Variants in KIF1B observed in about 807,000 individuals in gnomAD.
The protein encoded by KIF1B is kinesin-like protein KIF1B.
Under a neutral mutation model 241.9 loss-of-function variants are expected in KIF1B, and 76 were observed. The observed-to-expected ratio is 0.31, with a 90% CI of 0.26 to 0.38. KIF1B has a LOEUF of 0.38. Among genes scored for constraint, KIF1B ranks in the 10% least tolerant of loss-of-function variants. The pLI is 1.00. For missense variants in KIF1B, 1,622 were observed against 2,271.4 expected (o/e 0.71, Z 5.81); for synonymous variants, 750 against 796.7 (o/e 0.94, Z 0.99).
At position 10,296,907 on chromosome 1, in the gene KIF1B, C is replaced by T; in HGVS notation, c.1872C>T (p.Ile624=). Residue 624 remains isoleucine (I), a synonymous_variant, in exon 21 of 49, where the codon ATC becomes ATT. Coordinates refer to ENST00000676179, the MANE Select transcript of KIF1B (RefSeq NM_001365951.3). ...TCTGTTTTGTGCTAGGAAACCGTAT[C>T]ATCATGGGTAAAAACCATGTTTTCC... ...QPVQLRSGNR[I]IMGKNHVFRF... 6.2e-7 allele frequency: 1 copy of T among 1,613,924 alleles called. No homozygotes were observed. The highest frequency in any genetic ancestry group is 1.7e-5 in the Admixed American group (1 of 60,004).
chr1:10,304,128 A>C (rs751366269), intron 22 of KIF1B: 2 of 1,614,208 alleles, frequency 1.2e-6, no homozygotes, highest in East Asian at 4.5e-5. Flanking sequence ...TCATCATAAC[A>C]GAAGATGAGG....
rs1248187505 is a variant in KIF1B, at chr1:10,326,190, G to A, written c.2755G>A (p.Asp919Asn). The change falls in exon 27 of 49, where the codon GAC becomes AAC. Residue 919 changes from aspartate (D) to asparagine (N), a missense_variant. Physicochemically the swap from Asp to Asn is conservative, Grantham distance 23 (BLOSUM62 1). This residue lies in a region of KIF1B where 803 missense variants were observed against 1,112.0 expected (regional missense o/e 0.72). Coordinates refer to ENST00000676179, the MANE Select transcript of KIF1B (RefSeq NM_001365951.3). This position sits in a 1 kb window ranked among gnomAD's most constrained non-coding sequence, Gnocchi z 5.2. ...PSPTFSTADSDITELADEQQD... is the reference protein window; with the variant it reads ...PSPTFSTADSNITELADEQQD... ...CCCCACTTTTTCCACGGCCGATTCC[G>A]ACATCACTGAGCTGGCTGACGAGCA... The A allele has an allele frequency of 4.3e-6, 7 of 1,614,092 alleles. No homozygotes were observed. The highest frequency in any genetic ancestry group is 5.9e-6 in the Non-Finnish European group (7 of 1,180,022).
intron 22 of KIF1B, chr1:10,308,026 A>T: frequency 1.0e-6 from 1 of 1,000,638 alleles, no homozygotes; most frequent in Non-Finnish European, 1.2e-6. Context: ...GTTGACACTG[A>T]AAAAAAAACA....
chr1:10,363,319 C>G lies in KIF1B; in HGVS notation c.4341C>G (p.Cys1447Trp). 1 of 1,613,286 alleles carries G rather than the reference C, an allele frequency of 6.2e-7. No individual in the cohort carries two copies. Among genetic ancestry groups the G allele is most frequent in the Non-Finnish European group, 8.5e-7 (1 of 1,179,262 alleles). Residue 1447 changes from cysteine (C) to tryptophan (W), a missense_variant, in exon 41 of 49, where the codon TGC (cysteine) becomes TGG (tryptophan). Physicochemically the swap from Cys to Trp is radical, Grantham distance 215 (BLOSUM62 -2). This residue lies in a region of KIF1B where 803 missense variants were observed against 1,112.0 expected (regional missense o/e 0.72). Coordinates refer to ENST00000676179, the MANE Select transcript of KIF1B (RefSeq NM_001365951.3). Reference sequence around the variant, plus strand: ...CTGGCATTTACGAACTCAGCTTATGCAAAATGTCAGACACAGGTAGTCCAG... The same window carrying G: ...CTGGCATTTACGAACTCAGCTTATGGAAAATGTCAGACACAGGTAGTCCAG... ...RVTGIYELSL[C>W]KMSDTGSPGM...
intron 2 of KIF1B, among the ~76,000 whole-genome samples, chr1:10,246,306 G>A (rs1018686827): frequency 5.9e-5 from 9 of 152,114 alleles, no homozygotes; most frequent in Non-Finnish European, 1.2e-4. Flanking sequence ...ATATCAATCA[G>A]TAAGTCTTGC....
chr1:10,295,675 T>G lies in KIF1B; in HGVS notation c.1686T>G (p.Asp562Glu). Residue 562 changes from aspartate to glutamate, a missense_variant, in exon 19 of 49, where the codon GAT (aspartate) becomes GAG (glutamate). Physicochemically the swap from Asp to Glu is conservative, Grantham distance 45. This residue lies in a region of KIF1B where 57 missense variants were observed against 149.0 expected (regional missense o/e 0.38). Transcript: ENST00000676179. ...TTGTGTTCAGGGTTGGCCAAGCAGA[T>G]GCTGAGCGGCGCCAGGACATAGTGC... ...KDGITRVGQA[D>E]AERRQDIVLS... The G allele has an allele frequency of 6.2e-7, 1 of 1,613,790 alleles. No homozygotes were observed. Among genetic ancestry groups the G allele is most frequent in the Non-Finnish European group, 8.5e-7 (1 of 1,179,898 alleles).
intron 15 of KIF1B, among the ~76,000 whole-genome samples, chr1:10,290,063 TTC>T (rs142599252): frequency 5.6e-4 from 84 of 149,296 alleles, no homozygotes; most frequent in Non-Finnish European, 6.6e-4. Context: ...CATCACTTAC[TTC>T]TCTCTCTCTC....
chr1:10,221,854 C>T (rs746826495), intron 1 of KIF1B, among the ~76,000 whole-genome samples: 17 of 152,192 alleles, frequency 1.1e-4, no homozygotes, highest in Middle Eastern at 3.4e-3. Flanking sequence ...CTTGCTCTGT[C>T]GCCCAGGTTG....
At chr1:10,252,651 A>G (rs1647528245) in intron 2 of KIF1B, among the ~76,000 whole-genome samples, 1 of 151,700 alleles carries the variant, frequency 6.6e-6, no homozygotes, top group African/African-American at 2.4e-5. Flanking sequence ...TACTCCAGCG[A>G]TCCTCCTGCC....
At chr1:10,361,077 A>C (rs759459301) in intron 39 of KIF1B, 34 bp downstream of exon 39, 2 of 1,341,864 alleles carry the variant, frequency 1.5e-6, no homozygotes, top group East Asian at 4.6e-5. Flanking sequence ...TGATGCCAAC[A>C]GTCAGCCCTG....
At chr1:10,368,610 A>G (rs538574794) in intron 44 of KIF1B, 72 bp downstream of exon 44, 13 of 1,368,484 alleles carry the variant, frequency 9.5e-6, no homozygotes, top group South Asian at 8.1e-5. Flanking sequence ...CAGATTACCT[A>G]TTCCTGGTTT....
chr1:10,284,074 C>T (rs1167768101), intron 15 of KIF1B, among the ~76,000 whole-genome samples: 2 of 152,154 alleles, frequency 1.3e-5, no homozygotes, highest in African/African-American at 2.4e-5. Context: ...ATTTTACTTA[C>T]TTCAAAAGTA....
chr1:10,260,867 CA>C (rs199595339), intron 4 of KIF1B, among the ~76,000 whole-genome samples: 2,775 of 99,662 alleles, frequency 0.028, 30 homozygotes, highest in Non-Finnish European at 0.039. Flanking sequence ...AACTCGGTCT[CA>C]AAAAAAAAAA....
At chr1:10,325,855 T>C (rs1651702758) in intron 26 of KIF1B, among the ~76,000 whole-genome samples, 1 of 152,234 alleles carries the variant, frequency 6.6e-6, no homozygotes, top group Admixed American at 6.5e-5. Context: ...AGTATTTACC[T>C]AGGATGGTCT....
chr1:10,288,938 C>A (rs955204069), intron 15 of KIF1B, among the ~76,000 whole-genome samples: 1 of 152,150 alleles, frequency 6.6e-6, no homozygotes, highest in African/African-American at 2.4e-5. Flanking sequence ...AGGTTTATTA[C>A]TCACAAGTCC....
At chr1:10,313,819 A>ACTAG (rs1651185317) in intron 22 of KIF1B, among the ~76,000 whole-genome samples, 1 of 151,078 alleles carries the variant, frequency 6.6e-6, no homozygotes, top group African/African-American at 2.5e-5. Context: ...CAAAGTGTTG[A>ACTAG]GATTACAGGC....
At position 10,381,200 on chromosome 1, in the gene KIF1B, G is replaced by A. The variant is rs886045014; in HGVS notation, c.*4613G>A. The A allele has an allele frequency of 9.1e-6, 2 of 219,476 alleles. No homozygotes were observed. Among genetic ancestry groups the A allele is most frequent in the South Asian group, 1.9e-4 (1 of 5,374 alleles). 13.6% of individuals were successfully genotyped at this position (219,476 alleles called of 1,614,324 possible). A position where few individuals can be genotyped will look rare whatever the true frequency, so the allele number is the denominator to read the frequency against. On this transcript the variant is annotated 3_prime_UTR_variant, in exon 49 of 49. Transcript: ENST00000676179. ...TCAGCCTTCTTGTATTTAAGGCATC[G>A]TCTTAGACTTTGTGGCTCTAAAGTA...
chr1:10,275,517 TA>T lies in KIF1B; in HGVS notation c.958+15del. On this transcript the variant is annotated intron_variant, in intron 11 of 48. Coordinates refer to ENST00000676179, the MANE Select transcript of KIF1B (RefSeq NM_001365951.3). ...GAGAAAATTTAGGTATGTTGACCAC[TA>T]GTGAAAAGTAGTTATCTTTTTAACT... 1 of 1,311,164 alleles carries T rather than the reference TA, an allele frequency of 7.6e-7. No individual in the cohort carries two copies. The allele number at this position is 1,311,164 out of a possible 1,614,324, so 81.2% of individuals were successfully genotyped here. A position where few individuals can be genotyped will look rare whatever the true frequency, so the allele number is the denominator to read the frequency against.
At chr1:10,234,203 C>T (rs1217849678) in intron 2 of KIF1B, among the ~76,000 whole-genome samples, 2 of 151,550 alleles carry the variant, frequency 1.3e-5, no homozygotes, top group Admixed American at 1.3e-4. Flanking sequence ...GGACCCTGCC[C>T]TTAAGGAACT....
Sources: allele counts gnomAD v4.1 joint callset (sites outside exome capture counted in the v4.1 genomes callset), GRCh38; gene constraint gnomAD v4.1.1; regional missense constraint gnomAD v4.1.1; non-coding constraint Gnocchi (gnomAD v3.1); transcripts MANE v1.5; gene names NCBI Gene and HGNC (gene_info 2026-07-23, HGNC 2026-07-21).